Variants in DNAJC13 observed in about 807,000 individuals in gnomAD.
DNAJC13 encodes the protein dnaJ homolog subfamily C member 13.
A neutral mutation model predicts 290.5 loss-of-function variants in DNAJC13; 75 were observed. That is an observed-to-expected ratio of 0.26 (90% confidence interval 0.21 to 0.31). DNAJC13 has a LOEUF of 0.31. Among genes scored for constraint, DNAJC13 ranks in the 10% least tolerant of loss-of-function variants. DNAJC13 has a pLI of 1.00. For synonymous variants in DNAJC13, 862 were observed against 892.0 expected (o/e 0.97, Z 0.60); for missense variants, 2,260 against 2,674.5 (o/e 0.85, Z 3.42).
intron 5 of DNAJC13, among the ~76,000 whole-genome samples, chr3:132,449,643 A>G (rs1200905002): frequency 6.6e-6 from 1 of 152,200 alleles, no homozygotes; most frequent in East Asian, 1.9e-4. Context: ...GTGTTGGGAT[A>G]TTAGTGGAGG....
intron 5 of DNAJC13, 108 bp from the exon 6 acceptor site, chr3:132,450,539 G>A (rs986826578): frequency 4.3e-6 from 3 of 690,122 alleles, no homozygotes; most frequent in East Asian, 2.8e-5. Context: ...AAATATTTAC[G>A]ATGACAGTTA....
chr3:132,471,780 G>T (rs1434930759), intron 20 of DNAJC13, among the ~76,000 whole-genome samples: 2 of 143,006 alleles, frequency 1.4e-5, no homozygotes, highest in Non-Finnish European at 3.1e-5. Context: ...CCAGGCAGAG[G>T]GGCTCCTCAC....
At chr3:132,515,748 T>A (rs974667880) in intron 46 of DNAJC13, among the ~76,000 whole-genome samples, 5 of 152,216 alleles carry the variant, frequency 3.3e-5, no homozygotes, top group Non-Finnish European at 7.3e-5. Context: ...CATTAAGACT[T>A]CAGACTAAAT....
intron 31 of DNAJC13, 24 bp from the exon 32 acceptor site, chr3:132,490,873 C>T: frequency 6.7e-7 from 1 of 1,501,104 alleles, no homozygotes; most frequent in African/African-American, 1.4e-5. Flanking sequence ...TTTTGACTAC[C>T]TTTTGTTTTG....
intron 24 of DNAJC13, 32 bp from the exon 25 acceptor site, chr3:132,479,195 A>G (rs753223661): frequency 3.5e-6 from 5 of 1,445,952 alleles, no homozygotes; most frequent in Admixed American, 3.5e-5. Context: ...ATTTCTATTC[A>G]CTTCTGACCA....
At chr3:132,530,908 T>C (rs986014871) in intron 54 of DNAJC13, 90 bp from the exon 55 acceptor site, 2 of 1,147,626 alleles carry the variant, frequency 1.7e-6, no homozygotes, top group Admixed American at 1.8e-5. Flanking sequence ...CTGGCCTTCT[T>C]CCTTGTTGCT....
intron 20 of DNAJC13, 95 bp downstream of exon 20, chr3:132,467,408 C>A: frequency 1.6e-6 from 2 of 1,222,268 alleles, no homozygotes; most frequent in Non-Finnish European, 2.3e-6. Context: ...CGATACATTT[C>A]TTGCTGAATA....
At chr3:132,535,513 G>C (rs936507743) in intron 55 of DNAJC13, among the ~76,000 whole-genome samples, 1 of 152,096 alleles carries the variant, frequency 6.6e-6, no homozygotes, top group African/African-American at 2.4e-5. Flanking sequence ...GATGGTCTCA[G>C]AGCCTCATAA....
rs962104273 is a variant in DNAJC13 at position 132,467,307 on chromosome 3, A to G, written c.2202A>G (p.Gln734=). Residue 734 remains glutamine, a synonymous_variant, in exon 20 of 56, where the codon CAA becomes CAG. Coordinates refer to ENST00000260818, the MANE Select transcript of DNAJC13 (RefSeq NM_015268.4). The part of the protein sequence containing the change: ...MHWRDRMGIA[Q]KENINQKPVV... ...GGAGGGATAGGATGGGCATTGCTCAAAAAGAGGTAAAAATAAAATTTGCTT... is the reference window on the plus strand; with the variant it reads ...GGAGGGATAGGATGGGCATTGCTCAGAAAGAGGTAAAAATAAAATTTGCTT... 6 of 1,611,992 alleles carry G rather than the reference A, an allele frequency of 3.7e-6. No individual in the cohort carries two copies. In the Admixed American group the frequency reaches 5.0e-5, roughly 13 times the overall value.
Position 132,463,771 on chromosome 3 carries a change from A to G in DNAJC13, c.1846A>G (p.Thr616Ala). 1 of 1,613,524 alleles carries G rather than the reference A, an allele frequency of 6.2e-7. No homozygotes were observed. The highest frequency in any genetic ancestry group is 1.1e-5 in the South Asian group (1 of 91,036). Residue 616 changes from threonine (T) to alanine (A), a missense_variant, in exon 17 of 56, where the codon ACT (threonine) becomes GCT (alanine). This residue lies in a region of DNAJC13 where 762 missense variants were observed against 964.1 expected (regional missense o/e 0.79). Transcript: ENST00000260818. ...SEGALPRHLH[T>A]AMFTISSDQR... Reference sequence around the variant, plus strand: ...AGGTGCCTTACCTCGACACTTGCATACTGCGATGTTTACAATAAGCTCAGA... The same window carrying G: ...AGGTGCCTTACCTCGACACTTGCATGCTGCGATGTTTACAATAAGCTCAGA...
intron 32 of DNAJC13, 122 bp downstream of exon 32, chr3:132,491,173 TCATTG>T (rs1346155487): frequency 3.6e-6 from 3 of 835,704 alleles, no homozygotes; most frequent in Non-Finnish European, 5.3e-6. Flanking sequence ...ATGACAGTAA[TCATTG>T]ATGCCAAATC....
Position 132,479,206 on chromosome 3 carries a change from G to C in DNAJC13, c.2710-21G>C, listed in dbSNP as rs764433772. On this transcript the variant is annotated intron_variant, in intron 24 of 55. Transcript: ENST00000260818. ...TTTTATTTCTATTCACTTCTGACCA[G>C]ATTCTCATTTATTTCAATAGTGCAC... is the stretch of plus-strand genomic sequence containing the variant. 3.2e-6 allele frequency: 5 copies of C among 1,549,126 alleles called. No homozygotes were observed. The South Asian group carries it at 4.5e-5, about 14-fold the overall frequency.
Position 132,471,318 on chromosome 3 carries a change from C to G in DNAJC13, c.2209-1827C>G, listed in dbSNP as rs867197244. Reference sequence around the variant, plus strand: ...GCTGACCCCCCACCTCCCTCCCGGACGGGGCGGCTGGCCGGGCGGGGGGTT... The same window carrying G: ...GCTGACCCCCCACCTCCCTCCCGGAGGGGGCGGCTGGCCGGGCGGGGGGTT... On this transcript the variant is annotated intron_variant, in intron 20 of 55. Transcript: ENST00000260818. 1.5e-5 allele frequency among the ~76,000 whole-genome samples: 2 copies of G among 129,922 alleles called. 1 individual carries two copies. Among genetic ancestry groups the G allele is most frequent in the Non-Finnish European group, 3.4e-5 (2 of 59,574 alleles). 85.2% of individuals were successfully genotyped at this position (129,922 alleles called of 152,430 possible).
Position 132,531,036 on chromosome 3 carries a change from C to G in DNAJC13, c.6564C>G (p.Ala2188=). 1 of 1,614,092 alleles carries G rather than the reference C, an allele frequency of 6.2e-7. No homozygotes were observed. The highest frequency in any genetic ancestry group is 8.5e-7 in the Non-Finnish European group (1 of 1,179,972). The change falls in exon 55 of 56, where the codon GCC becomes GCG. Residue 2188 remains alanine, a synonymous_variant. Transcript: ENST00000260818. The stretch of plus-strand genomic sequence containing the variant: ...TGTGCCGTTCTTCAGTCTGGAGTGC[C>G]TTCAAAGATCAGAAACATGATTTGT... The part of the protein sequence containing the change: ...EILCRSSVWS[A]FKDQKHDLFI...
At chr3:132,508,085 G>T (rs551364782) in intron 43 of DNAJC13, among the ~76,000 whole-genome samples, 3 of 152,194 alleles carry the variant, frequency 2.0e-5, no homozygotes, top group Non-Finnish European at 4.4e-5. Flanking sequence ...TAATGATTTG[G>T]ATAGAAGATC....
intron 13 of DNAJC13, among the ~76,000 whole-genome samples, chr3:132,458,864 A>C (rs1180431786): frequency 6.6e-6 from 1 of 152,052 alleles, no homozygotes; most frequent in Non-Finnish European, 1.5e-5. Flanking sequence ...TAAATATTAC[A>C]CTTGTCTTTC....
intron 18 of DNAJC13, 74 bp from the exon 19 acceptor site, chr3:132,466,225 T>C: frequency 6.7e-7 from 1 of 1,489,490 alleles, no homozygotes; most frequent in South Asian, 1.3e-5. Flanking sequence ...TAAGCCACAG[T>C]ATTAATTTAT....
chr3:132,440,334 G>T (rs1171872132), intron 2 of DNAJC13, among the ~76,000 whole-genome samples: 2 of 152,220 alleles, frequency 1.3e-5, no homozygotes, highest in African/African-American at 4.8e-5. Flanking sequence ...GGAGTTTTGG[G>T]ATTCCCCACT....
At chr3:132,523,059 A>T (rs1444308618) in intron 49 of DNAJC13, 62 bp downstream of exon 49, 1 of 1,599,696 alleles carries the variant, frequency 6.3e-7, no homozygotes, top group East Asian at 2.2e-5. Context: ...AAGGGCAAAC[A>T]TTTCTTACTG....
Sources: gnomAD v4.1 joint callset for allele counts (sites outside exome capture counted in the v4.1 genomes callset) on GRCh38, gnomAD v4.1.1 for gene constraint, gnomAD v4.1.1 regional missense constraint, MANE v1.5 for transcripts, NCBI Gene and HGNC (gene_info 2026-07-23, HGNC 2026-07-21) for gene names.